Variants in DDX10 observed in about 807,000 individuals in gnomAD.
DDX10 encodes DEAD-box helicase 10.
In DDX10, 74 loss-of-function variants were observed where a neutral mutation model predicts 104.3. The ratio of observed to expected loss-of-function variants is 0.71; its 90% CI spans 0.59 to 0.86. DDX10 has a LOEUF of 0.86. DDX10 is among the 40% of genes least tolerant of loss of function. DDX10 has a pLI of 0.00. For missense variants in DDX10, 952 were observed against 1,040.0 expected (o/e 0.92, Z 1.16); for synonymous variants, 351 against 353.4 (o/e 0.99, Z 0.08).
At chr11:108,772,630 A>G (rs769309262) in intron 13 of DDX10, among the ~76,000 whole-genome samples, 29 of 152,180 alleles carry the variant, frequency 1.9e-4, no homozygotes, top group Non-Finnish European at 3.1e-4. Flanking sequence ...GTTTGTGGGA[A>G]TTTGCAGCCT....
At chr11:108,719,662 A>T (rs1387298959) in intron 11 of DDX10, 135 bp from the exon 12 acceptor site, 2 of 550,354 alleles carry the variant, frequency 3.6e-6, no homozygotes, top group South Asian at 2.7e-5. Context: ...GTGTGCATGG[A>T]ATGGAGATAT....
intron 16 of DDX10, among the ~76,000 whole-genome samples, chr11:108,867,728 C>A (rs1266772933): frequency 6.6e-6 from 1 of 152,124 alleles, no homozygotes; most frequent in South Asian, 2.1e-4. Context: ...AAAGGCCAGT[C>A]CCTTATCAGA....
At chr11:108,741,161 A>G (rs1048320412) in intron 13 of DDX10, among the ~76,000 whole-genome samples, 15 of 152,126 alleles carry the variant, frequency 9.9e-5, no homozygotes, top group Admixed American at 4.6e-4. Context: ...CCATGAGCCT[A>G]TGCATCTGTT....
chr11:108,690,267 A>G (rs2094250366), intron 7 of DDX10: 1 of 152,432 alleles, frequency 6.6e-6, no homozygotes, highest in Non-Finnish European at 1.5e-5. Context: ...AGTTCTGTTT[A>G]AAGTTTCTAC....
intron 16 of DDX10, among the ~76,000 whole-genome samples, chr11:108,873,193 G>A (rs956124977): frequency 6.6e-6 from 1 of 152,118 alleles, no homozygotes; most frequent in African/African-American, 2.4e-5. Flanking sequence ...CCTTTTATTA[G>A]AGTAAAAAAT....
At chr11:108,700,135 C>A (rs2094265606) in intron 9 of DDX10, among the ~76,000 whole-genome samples, 1 of 152,134 alleles carries the variant, frequency 6.6e-6, no homozygotes, top group African/African-American at 2.4e-5. Flanking sequence ...TTGACCATAT[C>A]ACTTTTATTG....
intron 13 of DDX10, among the ~76,000 whole-genome samples, chr11:108,808,568 GT>G (rs772832431): frequency 6.6e-6 from 1 of 152,100 alleles, no homozygotes; most frequent in Non-Finnish European, 1.5e-5. Flanking sequence ...TGTAAATCCA[GT>G]TTTGCAAACC....
chr11:108,685,947 G>C (rs1465631184), intron 6 of DDX10, among the ~76,000 whole-genome samples: 3 of 151,950 alleles, frequency 2.0e-5, no homozygotes, highest in Non-Finnish European at 4.4e-5. Flanking sequence ...TCCTTCAAAG[G>C]CATTTCCTTT....
At chr11:108,720,078 T>G (rs2094296426) in intron 12 of DDX10, among the ~76,000 whole-genome samples, 193 bp downstream of exon 12, 1 of 152,204 alleles carries the variant, frequency 6.6e-6, no homozygotes, top group Admixed American at 6.5e-5. Context: ...AGAGAGAATT[T>G]GTTTGAAACC....
intron 13 of DDX10, among the ~76,000 whole-genome samples, chr11:108,833,331 A>G (rs1018344197): frequency 2.6e-5 from 4 of 152,200 alleles, no homozygotes; most frequent in African/African-American, 7.2e-5. Flanking sequence ...TAGTTGTTTC[A>G]TATCTTTTTC....
rs145705288 is a variant in DDX10 at position 108,814,433 on chromosome 11, A to T, written c.1966-24013A>T. On this transcript the variant is annotated intron_variant, in intron 13 of 17. Transcript: ENST00000322536. The stretch of plus-strand genomic sequence containing the variant: ...TTAGTTTATAGCTTTACAACGTAAT[A>T]AGCCCCAGGTGTAGGGAATTCACTC... Among the ~76,000 whole-genome samples the T allele has an allele frequency of 3.8e-3, 575 of 152,298 alleles. 9 individuals carry two copies. The highest frequency in any genetic ancestry group is 0.013 in the African/African-American group (548 of 41,572).
At chr11:108,794,718 C>G (rs1591820093) in intron 13 of DDX10, among the ~76,000 whole-genome samples, 1 of 152,078 alleles carries the variant, frequency 6.6e-6, no homozygotes, top group East Asian at 1.9e-4. Context: ...GCATGTACCC[C>G]TCTTGACCAT....
At chr11:108,775,659 T>G (rs1013429396) in intron 13 of DDX10, among the ~76,000 whole-genome samples, 2 of 152,360 alleles carry the variant, frequency 1.3e-5, no homozygotes, top group African/African-American at 4.8e-5. Flanking sequence ...AAAATGTGAC[T>G]TCAGATACTT....
intron 13 of DDX10, among the ~76,000 whole-genome samples, chr11:108,755,019 C>T (rs1156657808): frequency 6.6e-6 from 1 of 152,002 alleles, no homozygotes; most frequent in Non-Finnish European, 1.5e-5. Context: ...GACCCTGACA[C>T]AACAGATGCT....
At chr11:108,852,285 G>T in intron 16 of DDX10, 76 bp downstream of exon 16, 2 of 1,068,312 alleles carry the variant, frequency 1.9e-6, no homozygotes, top group Non-Finnish European at 1.4e-6. Flanking sequence ...ATTTTGGCAA[G>T]AACAATGCTT....
intron 3 of DDX10, among the ~76,000 whole-genome samples, chr11:108,676,421 G>A (rs2094225247): frequency 6.6e-6 from 1 of 152,100 alleles, no homozygotes; most frequent in South Asian, 2.1e-4. Flanking sequence ...AACTACAGCA[G>A]CTACATGGGT....
rs546917599 is a variant in DDX10, at chr11:108,858,599, G to A, written c.2304+6390G>A. Among the ~76,000 whole-genome samples the A allele has an allele frequency of 2.6e-5, 4 of 152,186 alleles. No individual in the cohort carries two copies. In the East Asian group the frequency reaches 5.8e-4, roughly 22 times the overall value. On this transcript the variant is annotated intron_variant, in intron 16 of 17. Transcript: ENST00000322536. Reference sequence around the variant, plus strand: ...ACCCCATCTTGTGTTAAACAAATCCGTGAATTTGTATTAAGATGATAGATT... The same window carrying A: ...ACCCCATCTTGTGTTAAACAAATCCATGAATTTGTATTAAGATGATAGATT...
intron 13 of DDX10, among the ~76,000 whole-genome samples, chr11:108,777,507 G>C (rs904335931): frequency 1.3e-5 from 2 of 152,020 alleles, no homozygotes; most frequent in Admixed American, 6.6e-5. Flanking sequence ...GTTTTTAGTA[G>C]AGAAGGGGTT....
At chr11:108,874,542 ATT>A (rs1170211437) in intron 16 of DDX10, among the ~76,000 whole-genome samples, 1 of 146,852 alleles carries the variant, frequency 6.8e-6, no homozygotes, top group Non-Finnish European at 1.5e-5. Context: ...TATTTTATTA[ATT>A]TTTTTTTTTT....
Sources: gnomAD v4.1 joint callset for allele counts (sites outside exome capture counted in the v4.1 genomes callset) on GRCh38, gnomAD v4.1.1 for gene constraint, MANE v1.5 for transcripts, NCBI Gene and HGNC (gene_info 2026-07-23, HGNC 2026-07-21) for gene names.